MRTFB: variants seen among roughly 807,000 people sequenced by gnomAD.
MRTFB encodes myocardin-related transcription factor B.
In MRTFB, 29 loss-of-function variants were observed where a neutral mutation model predicts 104.2. The observed-to-expected ratio is 0.28, with a 90% CI of 0.21 to 0.38. The LOEUF (loss-of-function observed/expected upper bound fraction) is 0.38. Ranked by LOEUF, MRTFB falls within the 10% of genes least tolerant of loss-of-function variation. The pLI is 1.00. For synonymous variants in MRTFB, 535 were observed against 519.5 expected (o/e 1.03, Z -0.41); for missense variants, 1,270 against 1,341.6 (o/e 0.95, Z 0.83).
At chr16:14,248,549 G>A (rs13332358) in intron 12 of MRTFB, 10,813 of 163,472 alleles carry the variant, frequency 0.066, 986 homozygotes, top group African/African-American at 0.21. Context: ...TGCACACACC[G>A]CTTGCAAGCA....
the MRTFB span, among the ~76,000 whole-genome samples, chr16:14,058,963 G>A: frequency 1.3e-3 from 200 of 151,894 alleles, no homozygotes; most frequent in South Asian, 4.6e-3. Flanking sequence ...CAAGTGATCC[G>A]CCTGCCTCGG....
intron 3 of MRTFB, among the ~76,000 whole-genome samples, chr16:14,185,745 G>A (rs1191797310): frequency 1.3e-5 from 2 of 151,602 alleles, no homozygotes; most frequent in Non-Finnish European, 2.9e-5. Flanking sequence ...TATAACCTCT[G>A]ATGGGTTTTA....
intron 10 of MRTFB, among the ~76,000 whole-genome samples, chr16:14,241,638 G>C (rs1007115601): frequency 6.7e-6 from 1 of 148,808 alleles, no homozygotes; most frequent in Non-Finnish European, 1.5e-5. Flanking sequence ...TACATGTCGC[G>C]TAAGCATTCC....
chr16:14,145,931 C>G (rs2038288501), intron 3 of MRTFB, among the ~76,000 whole-genome samples: 1 of 151,840 alleles, frequency 6.6e-6, no homozygotes, highest in Non-Finnish European at 1.5e-5. Context: ...TTTGCCTGTG[C>G]CTACACTCTG....
Position 14,250,116 on chromosome 16 carries a change from C to G in MRTFB, c.2403+1035C>G, listed in dbSNP as rs577116430. Among the ~76,000 whole-genome samples, 6 of 152,262 alleles carry G rather than the reference C, an allele frequency of 3.9e-5. No individual in the cohort carries two copies. In the East Asian group the frequency reaches 1.2e-3, roughly 29 times the overall value. ...GATAGGATAAATAAGGGCTTTTTCA[C>G]TAAGTCTGTAAACACTAGAATTAGG... On this transcript the variant is annotated intron_variant, in intron 13 of 16. Coordinates refer to ENST00000571589, the MANE Select transcript of MRTFB (RefSeq NM_001308142.2).
chr16:14,234,026 T>G (rs2042387375), intron 8 of MRTFB, 120 bp from the exon 9 acceptor site: 1 of 1,241,038 alleles, frequency 8.1e-7, no homozygotes, highest in African/African-American at 1.5e-5. Flanking sequence ...TAATCATATA[T>G]TTTTCCTTTG....
At position 14,246,840 on chromosome 16, in the gene MRTFB, C is replaced by T; in HGVS notation, c.1580C>T (p.Thr527Ile). 6.2e-7 allele frequency: 1 copy of T among 1,612,684 alleles called. No individual in the cohort carries two copies. The highest frequency in any genetic ancestry group is 8.5e-7 in the Non-Finnish European group (1 of 1,180,028). Residue 527 changes from threonine to isoleucine, a missense_variant, in exon 12 of 17, where the codon ACC becomes ATC. By Grantham distance (89) the Thr-to-Ile change is moderately conservative (BLOSUM62 -1). Around this residue, in one of 3 missense-constraint regions of MRTFB, gnomAD observed 1,144 missense variants for 1,131.5 expected, o/e 1.01. Transcript: ENST00000571589. ...TDDTNMADTFTEIMTMMSPSQ... is the reference protein window; with the variant it reads ...TDDTNMADTFIEIMTMMSPSQ... ...GACACAAACATGGCAGACACTTTCA[C>T]CGAGATTATGACCATGATGTCGCCT...
intron 2 of MRTFB, among the ~76,000 whole-genome samples, chr16:14,132,044 C>A (rs6498505): frequency 0.24 from 35,758 of 152,084 alleles, 7,922 homozygotes; most frequent in African/African-American, 0.57. Context: ...TCATCTGATG[C>A]ATGGGTAAAC....
chr16:14,190,316 C>G (rs2040122543), intron 3 of MRTFB, among the ~76,000 whole-genome samples: 1 of 152,214 alleles, frequency 6.6e-6, no homozygotes, highest in Admixed American at 6.5e-5. Context: ...TTCAAACATT[C>G]TCTGATTACA....
intron 2 of MRTFB, among the ~76,000 whole-genome samples, chr16:14,137,054 A>G (rs1368673800): frequency 6.6e-6 from 1 of 152,206 alleles, no homozygotes; most frequent in African/African-American, 2.4e-5. Context: ...TTATGGCCCA[A>G]TGAGATAATC....
chr16:14,091,684 A>G (rs1281632935), intron 2 of MRTFB, among the ~76,000 whole-genome samples: 1 of 152,084 alleles, frequency 6.6e-6, no homozygotes, highest in Non-Finnish European at 1.5e-5. Flanking sequence ...CGATCTGAGA[A>G]TAAGGGAAAG....
chr16:14,031,798 T>C, the MRTFB span, among the ~76,000 whole-genome samples: 68 of 152,214 alleles, frequency 4.5e-4, 1 homozygote, highest in East Asian at 3.5e-3. Context: ...GAGTCTGTGT[T>C]CGTGAGGTGA....
intron 12 of MRTFB, chr16:14,247,788 A>T: frequency 2.7e-6 from 1 of 371,406 alleles, no homozygotes; most frequent in Non-Finnish European, 4.9e-6. Context: ...CAGTGACGTG[A>T]TCATTGTGAT....
the MRTFB span, among the ~76,000 whole-genome samples, chr16:14,061,013 G>T: frequency 3.4e-3 from 515 of 152,244 alleles, 2 homozygotes; most frequent in Non-Finnish European, 3.9e-3. Context: ...AGGTGTGGTG[G>T]TGGGAGCCTG....
intron 5 of MRTFB, among the ~76,000 whole-genome samples, chr16:14,212,802 T>C (rs2041251326): frequency 6.6e-6 from 1 of 152,232 alleles, no homozygotes; most frequent in South Asian, 2.1e-4. Flanking sequence ...CTACTGGGTC[T>C]TTGTTACCTG....
At chr16:14,119,227 C>G (rs970059214) in intron 2 of MRTFB, among the ~76,000 whole-genome samples, 1 of 152,126 alleles carries the variant, frequency 6.6e-6, no homozygotes, top group South Asian at 2.1e-4. Flanking sequence ...AGGTGCCATA[C>G]AGAAAATGGA....
the MRTFB span, among the ~76,000 whole-genome samples, chr16:14,052,253 T>A: frequency 6.6e-6 from 1 of 152,076 alleles, no homozygotes; most frequent in Non-Finnish European, 1.5e-5. Context: ...AGACAAGGAT[T>A]GAGGATTCTA....
chr16:14,007,337 A>G, the MRTFB span, among the ~76,000 whole-genome samples: 1 of 152,208 alleles, frequency 6.6e-6, no homozygotes, highest in Non-Finnish European at 1.5e-5. Flanking sequence ...TAATGGAATC[A>G]TGGACCTTTG....
chr16:14,079,221 A>G (rs774624503), intron 1 of MRTFB, 69 bp from the exon 2 acceptor site: 23 of 328,332 alleles, frequency 7.0e-5, no homozygotes, highest in Non-Finnish European at 1.2e-4. Flanking sequence ...ACATTCTCCA[A>G]GAGACACAAC....
Sources: gnomAD v4.1 joint callset for allele counts (sites outside exome capture counted in the v4.1 genomes callset) on GRCh38, gnomAD v4.1.1 for gene constraint, gnomAD v4.1.1 regional missense constraint, MANE v1.5 for transcripts, NCBI Gene and HGNC (gene_info 2026-07-23, HGNC 2026-07-21) for gene names.